The following APBA2 variants were observed in gnomAD, a reference collection of about 807,000 sequenced individuals.
APBA2 encodes the protein amyloid beta precursor protein binding family A member 2.
A neutral mutation model predicts 75.0 loss-of-function variants in APBA2; 30 were observed. That is an observed-to-expected ratio of 0.40 (90% CI 0.30 to 0.54). APBA2 has a LOEUF of 0.54. Ranked by LOEUF, APBA2 falls within the 20% of genes least tolerant of loss-of-function variation. The pLI is 0.49. For synonymous variants in APBA2, 444 were observed against 409.6 expected, an observed-to-expected ratio of 1.08 and a Z score of -1.01; for missense variants, 801 against 1,016.1, an observed-to-expected ratio of 0.79 and a Z score of 2.88.
intron 12 of APBA2, among the ~76,000 whole-genome samples, chr15:29,108,005 A>G (rs370308072): frequency 6.6e-6 from 1 of 152,204 alleles, no homozygotes; most frequent in South Asian, 2.1e-4. Context: ...TGCAGTGGCT[A>G]ATCTTCCCCA....
At chr15:29,116,758 C>G (rs2045195059) in intron 14 of APBA2, among the ~76,000 whole-genome samples, 1 of 152,200 alleles carries the variant, frequency 6.6e-6, no homozygotes, top group Admixed American at 6.5e-5. Flanking sequence ...GATGGGCAAA[C>G]TGTTGTCACC....
chr15:29,064,802 G>A (rs948313411), intron 4 of APBA2, among the ~76,000 whole-genome samples: 1 of 152,180 alleles, frequency 6.6e-6, no homozygotes, highest in African/African-American at 2.4e-5. Flanking sequence ...CATTAGGAAG[G>A]CCAGATGTAG....
chr15:28,928,985 C>T (rs1325223757), intron 2 of APBA2, among the ~76,000 whole-genome samples: 1 of 152,148 alleles, frequency 6.6e-6, no homozygotes, highest in Non-Finnish European at 1.5e-5. Flanking sequence ...CTCTAGATTT[C>T]AGGGGGGCGG....
Position 29,067,924 on chromosome 15 carries a change from C to T in APBA2, c.952-6997C>T, listed in dbSNP as rs146463806. Among the ~76,000 whole-genome samples the T allele has an allele frequency of 7.9e-5, 12 of 152,208 alleles. No homozygotes were observed. The East Asian group carries it at 1.5e-3, about 20-fold the overall frequency. Reference sequence around the variant, plus strand: ...TTATTGACTGGAACTGTGGACTCCTCGTATTAGGAGAACAGAGATGTGGCC... The same window carrying T: ...TTATTGACTGGAACTGTGGACTCCTTGTATTAGGAGAACAGAGATGTGGCC... On this transcript the variant is annotated intron_variant, in intron 4 of 14. Coordinates refer to ENST00000683413, the MANE Select transcript of APBA2 (RefSeq NM_001353788.2).
intron 6 of APBA2, among the ~76,000 whole-genome samples, chr15:29,081,753 C>A (rs998705805): frequency 6.6e-6 from 1 of 152,268 alleles, no homozygotes; most frequent in Non-Finnish European, 1.5e-5. Flanking sequence ...AGCGGCAGCA[C>A]AGGATCGGTT....
chr15:28,908,312 C>CTTTTTTTTTTTTTTTTTTTTTTT (rs2033239571), intron 1 of APBA2, among the ~76,000 whole-genome samples: 1 of 142,526 alleles, frequency 7.0e-6, no homozygotes, highest in African/African-American at 3.0e-5. Context: ...GTTTTGTTTT[C>CTTTTTTTTTTTTTTTTTTTTTTT]TTGTTTTTTT....
At chr15:29,108,426 C>T (rs1363070468) in intron 13 of APBA2, 37 bp downstream of exon 13, 1 of 1,613,650 alleles carries the variant, frequency 6.2e-7, no homozygotes, top group Non-Finnish European at 8.5e-7. Flanking sequence ...ACCACCACCA[C>T]TGCAGGGCCC....
chr15:29,117,124 G>A lies in APBA2; in HGVS notation c.2241G>A (p.Leu747=), dbSNP rs751061235. 6.2e-7 allele frequency: 1 copy of A among 1,613,198 alleles called. No individual in the cohort carries two copies. Among genetic ancestry groups the A allele is most frequent in the Non-Finnish European group, 8.5e-7 (1 of 1,179,972 alleles). ...FRLLTGQETP[L]YI is the part of the protein sequence containing the mutation. ...TCCTCACGGGTCAGGAGACCCCGCT[G>A]TACATCTAGGCCACCCCAGCCTGGC... Residue 747 remains leucine (L), a synonymous_variant, in exon 15 of 15, where the codon CTG becomes CTA. Coordinates refer to ENST00000683413, the MANE Select transcript of APBA2 (RefSeq NM_001353788.2).
Position 29,054,467 on chromosome 15 carries a change from G to C in APBA2, c.583G>C (p.Asp195His). 2.5e-6 allele frequency: 4 copies of C among 1,614,102 alleles called. No homozygotes were observed. Among genetic ancestry groups the C allele is most frequent in the Non-Finnish European group, 2.5e-6 (3 of 1,180,004 alleles). Residue 195 changes from aspartate to histidine, a missense_variant, in exon 4 of 15, where the codon GAC becomes CAC. By Grantham distance (81) the Asp-to-His change is moderately conservative. Around this residue, in one of 2 missense-constraint regions of APBA2, gnomAD observed 434 missense variants for 471.6 expected, o/e 0.92. Transcript: ENST00000683413. The surrounding 1 kb of genome is among the most constrained non-coding windows in gnomAD (Gnocchi z 6.1). ...CTGTGCCAGCAAAGAGGGCTACCAG[G>C]ACTACTACCCCGAGGAGGCCAACGG... ...HYCASKEGYQ[D>H]YYPEEANGNT...
chr15:29,077,059 A>G (rs2042882413), intron 6 of APBA2, among the ~76,000 whole-genome samples: 1 of 152,312 alleles, frequency 6.6e-6, no homozygotes, highest in East Asian at 1.9e-4. Context: ...GTTTTAAACC[A>G]TCAGAATTAA....
intron 2 of APBA2, among the ~76,000 whole-genome samples, chr15:28,960,044 C>T (rs1357566536): frequency 6.7e-6 from 1 of 149,862 alleles, no homozygotes; most frequent in Admixed American, 6.7e-5. Context: ...ACTTGGGAGG[C>T]TGAGGTGGGA....
At chr15:29,009,399 A>T (rs1253750455) in intron 3 of APBA2, among the ~76,000 whole-genome samples, 5 of 152,174 alleles carry the variant, frequency 3.3e-5, no homozygotes, top group Non-Finnish European at 7.3e-5. Flanking sequence ...ACTTATTTTA[A>T]AATAAGCTTC....
Position 28,909,232 on chromosome 15 carries a change from C to T in APBA2, c.-204-12408C>T, listed in dbSNP as rs545985752. ...GTCTCAATCTCCTGACCTCGTGATCCGCCCGCCTCGGCCTCCCAAAGTGCT... is the reference window on the plus strand; with the variant it reads ...GTCTCAATCTCCTGACCTCGTGATCTGCCCGCCTCGGCCTCCCAAAGTGCT... On this transcript the variant is annotated intron_variant, in intron 1 of 14. Transcript: ENST00000683413. Among the ~76,000 whole-genome samples, 30 of 152,192 alleles carry T rather than the reference C, an allele frequency of 2.0e-4. No individual in the cohort carries two copies. In the South Asian group the frequency reaches 5.0e-3, roughly 25 times the overall value.
intron 2 of APBA2, among the ~76,000 whole-genome samples, chr15:28,939,006 ACCTCT>A (rs1235733546): frequency 1.3e-5 from 2 of 151,926 alleles, no homozygotes; most frequent in East Asian, 3.9e-4. Flanking sequence ...ATGAAACAGT[ACCTCT>A]CCTTTCCCCC....
chr15:29,016,823 GCTC>G (rs541852756), intron 3 of APBA2, among the ~76,000 whole-genome samples: 83 of 151,970 alleles, frequency 5.5e-4, no homozygotes, highest in Non-Finnish European at 1.0e-3. Context: ...CTTCTCCTTT[GCTC>G]CTCTGTCTCC....
intron 2 of APBA2, among the ~76,000 whole-genome samples, chr15:28,984,348 C>T (rs2037784238): frequency 6.6e-6 from 1 of 152,056 alleles, no homozygotes; most frequent in Non-Finnish European, 1.5e-5. Flanking sequence ...ACGTAGCAAC[C>T]CCATGACATA....
chr15:29,027,624 AGG>A (rs2040285886), intron 3 of APBA2, among the ~76,000 whole-genome samples: 3 of 145,630 alleles, frequency 2.1e-5, no homozygotes, highest in South Asian at 4.4e-4. Flanking sequence ...TTTCTTTTTG[AGG>A]CAGTCTTGCT....
chr15:28,938,869 TA>T (rs1379200479), intron 2 of APBA2, among the ~76,000 whole-genome samples: 1 of 152,206 alleles, frequency 6.6e-6, no homozygotes, highest in African/African-American at 2.4e-5. Flanking sequence ...ACACATAACA[TA>T]AAATACCATC....
intron 4 of APBA2, among the ~76,000 whole-genome samples, chr15:29,072,694 G>C (rs935021431): frequency 6.6e-6 from 1 of 152,120 alleles, no homozygotes; most frequent in African/African-American, 2.4e-5. Context: ...GCTTCGAAAA[G>C]CAGGGCAGTG....
Sources: allele counts gnomAD v4.1 joint callset (sites outside exome capture counted in the v4.1 genomes callset), GRCh38; gene constraint gnomAD v4.1.1; regional missense constraint gnomAD v4.1.1; non-coding constraint Gnocchi (gnomAD v3.1); transcripts MANE v1.5; gene names NCBI Gene and HGNC (gene_info 2026-07-23, HGNC 2026-07-21).